The following PDE6H variants were observed in gnomAD, a reference collection of about 807,000 sequenced individuals.
PDE6H encodes phosphodiesterase 6H.
A neutral mutation model predicts 9.2 loss-of-function variants in PDE6H; 11 were observed. That is an observed-to-expected ratio of 1.19 (90% CI 0.75 to 1.97). PDE6H has a LOEUF of 1.97. Ranked by LOEUF, PDE6H falls within the 30% of genes most tolerant of loss-of-function variation. The pLI is 0.00. For missense variants in PDE6H, 98 were observed against 101.5 expected (o/e 0.97, Z 0.15); for synonymous variants, 36 against 33.6 (o/e 1.07, Z -0.25).
Position 14,981,456 on chromosome 12 carries a change from G to C in PDE6H, c.232G>C (p.Ala78Pro), listed in dbSNP as rs199740819. ...AFSHLELHEL[A>P]QFGII ...CAGCCACCTGGAATTGCATGAGCTC[G>C]CTCAGTTTGGGATTATCTGAAGTGC... The change falls in exon 4 of 4, where the codon GCT becomes CCT. Residue 78 changes from alanine (A) to proline (P), a missense_variant. Ala to Pro is a conservative substitution (Grantham distance 27). Coordinates refer to ENST00000266395, the MANE Select transcript of PDE6H (RefSeq NM_006205.3). 6.2e-7 allele frequency: 1 copy of C among 1,612,438 alleles called. No individual in the cohort carries two copies. The highest frequency in any genetic ancestry group is 2.2e-5 in the East Asian group (1 of 44,878).
chr12:14,981,656 A>G lies in PDE6H; in HGVS notation c.*180A>G, dbSNP rs1048126855. 29 of 643,106 alleles carry G rather than the reference A, an allele frequency of 4.5e-5. No individual in the cohort carries two copies. The highest frequency in any genetic ancestry group is 7.9e-5 in the Non-Finnish European group (28 of 355,288). 39.8% of individuals were successfully genotyped at this position (643,106 alleles called of 1,614,324 possible). On this transcript the variant is annotated 3_prime_UTR_variant, in exon 4 of 4. Coordinates refer to ENST00000266395, the MANE Select transcript of PDE6H (RefSeq NM_006205.3). ...ACTGTCAGAATCTCTCTTGCAGTAC[A>G]GCTCAAAATAGTGGATGCATTTCAA... is the stretch of plus-strand genomic sequence containing the variant.
At position 14,979,966 on chromosome 12, in the gene PDE6H, G is replaced by A. The variant is rs149249314; in HGVS notation, c.175+747G>A. 5.4e-3 allele frequency among the ~76,000 whole-genome samples: 828 copies of A among 152,180 alleles called. 11 individuals carry two copies. Among genetic ancestry groups the A allele is most frequent in the South Asian group, 0.024 (116 of 4,806 alleles). The stretch of plus-strand genomic sequence containing the variant: ...TGATTATATTTGATGAGCCAATGTC[G>A]ATGCAGTATGTTAATTAAACTCCAT... On this transcript the variant is annotated intron_variant, in intron 3 of 3. Transcript: ENST00000266395.
intron 1 of PDE6H, among the ~76,000 whole-genome samples, chr12:14,973,717 C>T (rs1208715731): frequency 6.6e-6 from 1 of 152,116 alleles, no homozygotes; most frequent in African/African-American, 2.4e-5. Context: ...ATGGGCTCAA[C>T]CCCAGCAGTA....
In PDE6H at chr12:14,978,102, G is replaced by T. The variant is rs768049309; in HGVS notation, c.90G>T (p.Gln30His). 3 of 1,613,738 alleles carry T rather than the reference G, an allele frequency of 1.9e-6. No individual in the cohort carries two copies. Among genetic ancestry groups the T allele is most frequent in the Non-Finnish European group, 2.5e-6 (3 of 1,179,968 alleles). Reference sequence around the variant, plus strand: ...GCCCTCCCAAGTTCAAGCAGAGGCAGACTCGCCAATTCAAGAGTAAACCTC... The same window carrying T: ...GCCCTCCCAAGTTCAAGCAGAGGCATACTCGCCAATTCAAGAGTAAACCTC... ...RKGPPKFKQR[Q>H]TRQFKSKPPK... Residue 30 changes from glutamine to histidine, a missense_variant, in exon 2 of 4, where the codon CAG becomes CAT. Transcript: ENST00000266395.
Position 14,981,554 on chromosome 12 carries a change from T to A in PDE6H, c.*78T>A. On this transcript the variant is annotated 3_prime_UTR_variant, in exon 4 of 4. Coordinates refer to ENST00000266395, the MANE Select transcript of PDE6H (RefSeq NM_006205.3). ...TTTGCCCTGTTGATCTGCCGGAGTCTTGAAATTCAGCTGATTGGAAGTGGT... is the reference window on the plus strand; with the variant it reads ...TTTGCCCTGTTGATCTGCCGGAGTCATGAAATTCAGCTGATTGGAAGTGGT... The A allele has an allele frequency of 1.1e-6, 1 of 940,352 alleles. No individual in the cohort carries two copies. Among genetic ancestry groups the A allele is most frequent in the Non-Finnish European group, 1.8e-6 (1 of 569,616 alleles). The allele number at this position is 940,352 out of a possible 1,614,324, so 58.3% of individuals were successfully genotyped here.
chr12:14,978,795 A>C (rs974889302), intron 2 of PDE6H, among the ~76,000 whole-genome samples: 8 of 152,238 alleles, frequency 5.3e-5, no homozygotes, highest in African/African-American at 1.7e-4. Flanking sequence ...CTGGTATATA[A>C]TAGATGCTTA....
At chr12:14,978,857 C>G (rs946007717) in intron 2 of PDE6H, among the ~76,000 whole-genome samples, 1 of 152,160 alleles carries the variant, frequency 6.6e-6, no homozygotes, top group East Asian at 1.9e-4. Context: ...ATTTTTAATG[C>G]CTTTTGTATT....
chr12:14,980,912 T>A (rs187180814), intron 3 of PDE6H, among the ~76,000 whole-genome samples: 95 of 152,352 alleles, frequency 6.2e-4, no homozygotes, highest in African/African-American at 2.1e-3. Context: ...TGTGATCGTT[T>A]CTCAATATGT....
At chr12:14,975,504 G>A (rs1864578952) in intron 1 of PDE6H, among the ~76,000 whole-genome samples, 1 of 152,076 alleles carries the variant, frequency 6.6e-6, no homozygotes, top group Non-Finnish European at 1.5e-5. Context: ...CAATTCTCTA[G>A]CTGCCCTCTG....
At chr12:14,977,286 A>T (rs1864609994) in intron 1 of PDE6H, among the ~76,000 whole-genome samples, 1 of 152,228 alleles carries the variant, frequency 6.6e-6, no homozygotes, top group Non-Finnish European at 1.5e-5. Flanking sequence ...TTTCTGGTTC[A>T]TGTGAGGATT....
At chr12:14,977,610 C>A (rs1020673738) in intron 1 of PDE6H, among the ~76,000 whole-genome samples, 19 of 151,972 alleles carry the variant, frequency 1.3e-4, no homozygotes, top group African/African-American at 4.6e-4. Flanking sequence ...TAATGTGAAG[C>A]TTTAATTTAA....
intron 3 of PDE6H, among the ~76,000 whole-genome samples, chr12:14,979,687 A>T (rs1042667501): frequency 6.6e-6 from 1 of 152,144 alleles, no homozygotes; most frequent in Non-Finnish European, 1.5e-5. Flanking sequence ...CTTTTTACAC[A>T]TCCTCTAGCA....
rs11314271 is a variant in PDE6H, at chr12:14,975,368, ATT to A, written c.-42+2294_-42+2295del. Reference sequence around the variant, plus strand: ...TTCAAATTGAACTGGGTGTCTTGTAATTTTTTTTTTTTTGGCTTAATCTGGCA... The same window carrying A: ...TTCAAATTGAACTGGGTGTCTTGTAATTTTTTTTTTTGGCTTAATCTGGCA... On this transcript the variant is annotated intron_variant, in intron 1 of 3. Transcript: ENST00000266395. Among the ~76,000 whole-genome samples, 553 of 149,112 alleles carry A rather than the reference ATT, an allele frequency of 3.7e-3. 2 individuals are homozygous for A. The highest frequency in any genetic ancestry group is 0.012 in the African/African-American group (473 of 40,648).
chr12:14,978,856 G>A (rs1279892133), intron 2 of PDE6H, among the ~76,000 whole-genome samples: 1 of 152,118 alleles, frequency 6.6e-6, no homozygotes, highest in Admixed American at 6.5e-5. Context: ...CATTTTTAAT[G>A]CCTTTTGTAT....
chr12:14,976,484 T>G (rs1356373892), intron 1 of PDE6H, among the ~76,000 whole-genome samples: 2 of 151,540 alleles, frequency 1.3e-5, no homozygotes, highest in Non-Finnish European at 2.9e-5. Context: ...GTAAAGAGAG[T>G]CATTGTTAGC....
At chr12:14,973,854 T>C (rs1013471778) in intron 1 of PDE6H, among the ~76,000 whole-genome samples, 2 of 152,178 alleles carry the variant, frequency 1.3e-5, no homozygotes, top group African/African-American at 4.8e-5. Context: ...ATCAGAGAGC[T>C]GTCTCAGGAA....
At position 14,978,052 on chromosome 12, in the gene PDE6H, C is replaced by T. The variant is rs1315881896; in HGVS notation, c.40C>T (p.Gln14Ter). 1 of 1,613,678 alleles carries T rather than the reference C, an allele frequency of 6.2e-7. No individual in the cohort carries two copies. Among genetic ancestry groups the T allele is most frequent in the South Asian group, 1.1e-5 (1 of 91,066 alleles). The change falls in exon 2 of 4, where the codon CAG becomes TAG. Residue 14 changes from glutamine (Q) to a stop codon, truncating the protein, a stop_gained. Transcript: ENST00000266395. LOFTEE classifies it high-confidence loss of function. ...TACTCTGCCTGCTCCAGCTTCAAAC[C>T]AGGGTCCTACCACCCCACGCAAAGG... ...NTTLPAPASN[Q>*]GPTTPRKGPP... is the part of the protein sequence containing the mutation.
Position 14,980,282 on chromosome 12 carries a change from G to C in PDE6H, c.175+1063G>C, listed in dbSNP as rs560875629. Reference sequence around the variant, plus strand: ...TTTCATTTAACCATATTCATTTAAGGTTTCTCCATGTTTTTATGTGGCTTG... The same window carrying C: ...TTTCATTTAACCATATTCATTTAAGCTTTCTCCATGTTTTTATGTGGCTTG... On this transcript the variant is annotated intron_variant, in intron 3 of 3. Coordinates refer to ENST00000266395, the MANE Select transcript of PDE6H (RefSeq NM_006205.3). 2.6e-5 allele frequency among the ~76,000 whole-genome samples: 4 copies of C among 152,170 alleles called. No homozygotes were observed. The East Asian group carries it at 5.8e-4, about 22-fold the overall frequency.
intron 1 of PDE6H, among the ~76,000 whole-genome samples, chr12:14,974,044 A>T (rs986349307): frequency 6.6e-6 from 1 of 152,216 alleles, no homozygotes; most frequent in African/African-American, 2.4e-5. Context: ...GCATCCACTT[A>T]TTTCTGCAGA....
Sources: gnomAD v4.1 joint callset for allele counts (sites outside exome capture counted in the v4.1 genomes callset) on GRCh38, gnomAD v4.1.1 for gene constraint, MANE v1.5 for transcripts, NCBI Gene and HGNC (gene_info 2026-07-23, HGNC 2026-07-21) for gene names.